Variants in NAA11 observed in about 807,000 individuals in gnomAD.
NAA11 encodes the protein N-alpha-acetyltransferase 11.
NAA11 carries 15 observed loss-of-function variants against 16.1 expected under a neutral mutation model. The ratio of observed to expected loss-of-function variants is 0.93; its 90% CI spans 0.62 to 1.44. The LOEUF is 1.44. Among genes scored for constraint, NAA11 ranks in the 40% most tolerant of loss-of-function variants. The pLI, the probability that NAA11 is intolerant of heterozygous loss-of-function variation, is 0.00. For missense variants in NAA11, 298 were observed against 291.3 expected, an observed-to-expected ratio of 1.02 and a Z score of -0.17; for synonymous variants, 122 against 112.4, an observed-to-expected ratio of 1.09 and a Z score of -0.54.
At chr4:79,259,866 T>G (rs1560429931) in intron 2 of NAA11, among the ~76,000 whole-genome samples, 1 of 152,210 alleles carries the variant, frequency 6.6e-6, no homozygotes, top group Non-Finnish European at 1.5e-5. Context: ...TATCCAAACC[T>G]TCACATTTCT....
chr4:79,217,416 A>G, the NAA11 span, among the ~76,000 whole-genome samples: 3 of 152,166 alleles, frequency 2.0e-5, no homozygotes, highest in African/African-American at 7.2e-5. Flanking sequence ...TTTTCCCCCA[A>G]AAGCTTGGGG....
chr4:79,257,298 A>G (rs1722137629), intron 2 of NAA11, among the ~76,000 whole-genome samples: 1 of 152,052 alleles, frequency 6.6e-6, no homozygotes, highest in Admixed American at 6.5e-5. Flanking sequence ...TTCTCTAGTC[A>G]TTTTGGTTGT....
chr4:79,244,794 G>C (rs916972651), intron 2 of NAA11: 1 of 153,216 alleles, frequency 6.5e-6, no homozygotes, highest in South Asian at 2.0e-4. Context: ...CGCCTGACTG[G>C]TTTTTGTATT....
intron 2 of NAA11, among the ~76,000 whole-genome samples, chr4:79,269,990 G>T (rs1468219863): frequency 7.9e-5 from 12 of 151,782 alleles, no homozygotes; most frequent in Admixed American, 5.9e-4. Context: ...TTTTTCTCAG[G>T]TTTGTCAAAG....
At chr4:79,203,460 G>A in the NAA11 span, among the ~76,000 whole-genome samples, 1,321 of 151,894 alleles carry the variant, frequency 8.7e-3, 4 homozygotes, top group Middle Eastern at 0.024. Context: ...GTAGTTGTTG[G>A]AGGTAGGTTA....
At chr4:79,167,331 C>T in the NAA11 span, among the ~76,000 whole-genome samples, 1 of 141,214 alleles carries the variant, frequency 7.1e-6, no homozygotes, top group Non-Finnish European at 1.5e-5. Flanking sequence ...AGAGTACAGT[C>T]CCATCAGGAC....
intron 2 of NAA11, among the ~76,000 whole-genome samples, chr4:79,262,247 A>G (rs1430215436): frequency 6.6e-6 from 1 of 152,230 alleles, no homozygotes; most frequent in Non-Finnish European, 1.5e-5. Flanking sequence ...CTAGTAAAAC[A>G]TAAGAAAAGA....
the NAA11 span, among the ~76,000 whole-genome samples, chr4:79,160,765 A>G: frequency 8.9e-3 from 1,355 of 152,276 alleles, 20 homozygotes; most frequent in African/African-American, 0.031. Flanking sequence ...TATCAGATAT[A>G]TATTTGCAAA....
downstream of NAA11, among the ~76,000 whole-genome samples, chr4:79,225,059 G>A (rs1721279909): frequency 6.6e-6 from 1 of 151,620 alleles, no homozygotes; most frequent in Non-Finnish European, 1.5e-5. Context: ...ATAGTGAGAG[G>A]ACACTAGGAA....
chr4:79,246,376 C>CAAAAAAAAAAAAAAAAAAAA (rs1560420199), intron 2 of NAA11, among the ~76,000 whole-genome samples: 3 of 114,190 alleles, frequency 2.6e-5, no homozygotes, highest in Admixed American at 8.4e-5. Flanking sequence ...TCAATAAATA[C>CAAAAAAAAAAAAAAAAAAAA]TAAAAAAAAA....
intron 2 of NAA11, among the ~76,000 whole-genome samples, chr4:79,290,884 T>C (rs1437551907): frequency 6.6e-6 from 1 of 152,164 alleles, no homozygotes; most frequent in Non-Finnish European, 1.5e-5. Context: ...GGTATTTTTC[T>C]TTTCTCTGAA....
chr4:79,200,387 AGAGGGAAGAAGGCATTCAGCAAT>A, the NAA11 span, among the ~76,000 whole-genome samples: 1 of 151,950 alleles, frequency 6.6e-6, no homozygotes, highest in Admixed American at 6.6e-5. Flanking sequence ...GTTCTGGGAA[AGAGGGAAGAAGGCATTCAGCAAT>A]GAATCATCCA....
the NAA11 span, among the ~76,000 whole-genome samples, chr4:79,193,707 G>A: frequency 2.0e-3 from 307 of 152,184 alleles, 6 homozygotes; most frequent in East Asian, 0.049. Flanking sequence ...TTGGCAATGC[G>A]GGCTCTTTTT....
the NAA11 span, among the ~76,000 whole-genome samples, chr4:79,178,848 G>C: frequency 6.6e-6 from 1 of 152,168 alleles, no homozygotes; most frequent in East Asian, 1.9e-4. Context: ...AGGTTAAGGA[G>C]ACTGCTGTGC....
chr4:79,298,867 A>G (rs1303830081), intron 1 of NAA11: 1 of 152,242 alleles, frequency 6.6e-6, no homozygotes, highest in Non-Finnish European at 1.5e-5. Flanking sequence ...CCATAACAAA[A>G]TCAAATGTTA....
At chr4:79,296,862 C>T (rs1036224325) in intron 1 of NAA11, among the ~76,000 whole-genome samples, 1 of 152,194 alleles carries the variant, frequency 6.6e-6, no homozygotes, top group Non-Finnish European at 1.5e-5. Flanking sequence ...AATTCTCACT[C>T]CCATCTAATC....
chr4:79,207,636 G>C, the NAA11 span, among the ~76,000 whole-genome samples: 1 of 152,212 alleles, frequency 6.6e-6, no homozygotes, highest in East Asian at 1.9e-4. Flanking sequence ...GTGGCAGCCT[G>C]AGCAGACTAA....
At chr4:79,287,462 G>GC in intron 2 of NAA11, among the ~76,000 whole-genome samples, 1 of 150,422 alleles carries the variant, frequency 6.6e-6, no homozygotes, top group Non-Finnish European at 1.5e-5. Context: ...ATTCAGGTAA[G>GC]TTTTTTTTTT....
chr4:79,227,191 A>AT (rs1390069258), intron 2 of NAA11: 2 of 152,176 alleles, frequency 1.3e-5, no homozygotes, highest in East Asian at 3.9e-4. Flanking sequence ...GATGACAAGC[A>AT]TTTTTTCATT....
Sources: gnomAD v4.1 joint callset for allele counts (sites outside exome capture counted in the v4.1 genomes callset) on GRCh38, gnomAD v4.1.1 for gene constraint, MANE v1.5 for transcripts, NCBI Gene and HGNC (gene_info 2026-07-23, HGNC 2026-07-21) for gene names.